Variants in ATG7 observed in about 807,000 individuals in gnomAD.
ATG7 encodes autophagy related 7.
ATG7 carries 70 observed loss-of-function variants against 82.4 expected under a neutral mutation model. That is an observed-to-expected ratio of 0.85 (90% CI 0.70 to 1.04). The LOEUF is 1.04. Among genes scored for constraint, ATG7 ranks in the 50% least tolerant of loss-of-function variants. ATG7 has a pLI of 0.00. For missense variants in ATG7, 792 were observed against 864.3 expected, an observed-to-expected ratio of 0.92 and a Z score of 1.05; for synonymous variants, 287 against 313.0, an observed-to-expected ratio of 0.92 and a Z score of 0.88.
At chr3:11,360,141 GTTC>G (rs1481906904) in intron 15 of ATG7, among the ~76,000 whole-genome samples, 1 of 152,212 alleles carries the variant, frequency 6.6e-6, no homozygotes, top group African/African-American at 2.4e-5. Flanking sequence ...CATCTCCCAG[GTTC>G]AAGCATTTCT....
intron 7 of ATG7, 50 bp from the exon 8 acceptor site, chr3:11,313,254 C>T: frequency 8.0e-7 from 1 of 1,250,994 alleles, no homozygotes; most frequent in Non-Finnish European, 1.1e-6. Context: ...TGCATTTCAC[C>T]TTAAGTTAAT....
At chr3:11,564,497 G>A in the ATG7 span, among the ~76,000 whole-genome samples, 1 of 152,116 alleles carries the variant, frequency 6.6e-6, no homozygotes, top group Non-Finnish European at 1.5e-5. Context: ...CACCACCCCT[G>A]TACTGGGAGA....
chr3:11,527,069 GTGTATA>G (rs1380108391), intron 20 of ATG7, among the ~76,000 whole-genome samples: 2,071 of 118,170 alleles, frequency 0.018, 45 homozygotes, highest in African/African-American at 0.066. Flanking sequence ...GTGTGTGTGT[GTGTATA>G]TATATATATA....
intron 19 of ATG7, among the ~76,000 whole-genome samples, chr3:11,387,685 A>C (rs1186906549): frequency 6.6e-6 from 1 of 152,222 alleles, no homozygotes; most frequent in Non-Finnish European, 1.5e-5. Context: ...AAAAATGCAA[A>C]GCCAGCTGGG....
chr3:11,281,280 A>G (rs990851626), intron 2 of ATG7, among the ~76,000 whole-genome samples, 178 bp downstream of exon 2: 1 of 152,260 alleles, frequency 6.6e-6, no homozygotes, highest in African/African-American at 2.4e-5. Context: ...TGACAGTGGC[A>G]GAGAAGGCTA....
chr3:11,384,807 A>G (rs546847953), intron 19 of ATG7, among the ~76,000 whole-genome samples: 3 of 152,068 alleles, frequency 2.0e-5, no homozygotes, highest in Non-Finnish European at 4.4e-5. Context: ...CAAAGAATAC[A>G]AAAATTGGCC....
intron 20 of ATG7, among the ~76,000 whole-genome samples, chr3:11,466,535 G>T (rs1182659359): frequency 6.6e-6 from 1 of 152,220 alleles, no homozygotes; most frequent in African/African-American, 2.4e-5. Context: ...AAGGCAGCAT[G>T]GTGTAATGGA....
At chr3:11,345,791 G>C (rs1954450873) in intron 13 of ATG7, among the ~76,000 whole-genome samples, 1 of 151,846 alleles carries the variant, frequency 6.6e-6, no homozygotes, top group Non-Finnish European at 1.5e-5. Flanking sequence ...TCCTTCTGTG[G>C]AATTTATTTT....
At chr3:11,424,243 CA>C (rs2082176777) in intron 19 of ATG7, among the ~76,000 whole-genome samples, 1 of 152,058 alleles carries the variant, frequency 6.6e-6, no homozygotes, top group Non-Finnish European at 1.5e-5. Flanking sequence ...TAAACAAAAA[CA>C]AAAACCAACT....
At position 11,299,419 on chromosome 3, in the gene ATG7, G is replaced by A; in HGVS notation, c.215+3G>A. 1 of 1,607,850 alleles carries A rather than the reference G, an allele frequency of 6.2e-7. No individual in the cohort carries two copies. The highest frequency in any genetic ancestry group is 8.5e-7 in the Non-Finnish European group (1 of 1,174,342). On this transcript the variant is annotated splice_donor_region_variant and intron_variant, in intron 5 of 20. Transcript: ENST00000693202. ...TTGGAGTTCAGTGCTTTTGACATGT[G>A]AGTATTTATTTGTTCAAAATCTGAA...
At chr3:11,399,970 A>G (rs2079672165) in intron 19 of ATG7, among the ~76,000 whole-genome samples, 1 of 152,250 alleles carries the variant, frequency 6.6e-6, no homozygotes, top group Non-Finnish European at 1.5e-5. Context: ...ATAGAGTATA[A>G]TGTAGCCTAT....
At chr3:11,566,294 AAAC>A in the ATG7 span, among the ~76,000 whole-genome samples, 31 of 152,218 alleles carry the variant, frequency 2.0e-4, no homozygotes, top group Non-Finnish European at 5.9e-5. Flanking sequence ...CAGTTGTAAG[AAAC>A]AACACACGGC....
At chr3:11,567,183 C>T in the ATG7 span, among the ~76,000 whole-genome samples, 7 of 152,112 alleles carry the variant, frequency 4.6e-5, no homozygotes, top group African/African-American at 1.2e-4. Context: ...CGAGCCTCGG[C>T]GTCCCCATGT....
intron 20 of ATG7, among the ~76,000 whole-genome samples, chr3:11,474,772 A>G (rs897659748): frequency 5.3e-5 from 8 of 152,172 alleles, no homozygotes; most frequent in African/African-American, 1.9e-4. Context: ...GGAGCCAGAC[A>G]TGTGAGGAGC....
chr3:11,433,475 T>C (rs2083096057), intron 20 of ATG7, among the ~76,000 whole-genome samples: 1 of 152,118 alleles, frequency 6.6e-6, no homozygotes, highest in Non-Finnish European at 1.5e-5. Context: ...CAACTGTGGG[T>C]TCAACATCAT....
At chr3:11,426,118 G>T (rs947492827) in intron 19 of ATG7, among the ~76,000 whole-genome samples, 14 of 152,096 alleles carry the variant, frequency 9.2e-5, no homozygotes, top group Non-Finnish European at 1.6e-4. Flanking sequence ...ACACATTTTT[G>T]TTGGGTGTAT....
At chr3:11,374,892 C>CAAAAAA (rs55855960) in intron 18 of ATG7, among the ~76,000 whole-genome samples, 3 of 73,522 alleles carry the variant, frequency 4.1e-5, no homozygotes, top group African/African-American at 1.8e-4. Flanking sequence ...CAACAGAGCT[C>CAAAAAA]AAAAAAAAAA....
intron 18 of ATG7, among the ~76,000 whole-genome samples, chr3:11,377,034 C>T (rs4684773): frequency 0.51 from 77,787 of 152,040 alleles, 20,788 homozygotes; most frequent in East Asian, 0.68. Context: ...CCACCGCGCC[C>T]GGCCTTGTCT....
At chr3:11,457,074 C>G (rs1186394875) in intron 20 of ATG7, among the ~76,000 whole-genome samples, 1 of 152,146 alleles carries the variant, frequency 6.6e-6, no homozygotes, top group African/African-American at 2.4e-5. Flanking sequence ...GAAAATGGGG[C>G]AGGACACAGT....
Sources: allele counts gnomAD v4.1 joint callset (sites outside exome capture counted in the v4.1 genomes callset), GRCh38; gene constraint gnomAD v4.1.1; transcripts MANE v1.5; gene names NCBI Gene and HGNC (gene_info 2026-07-23, HGNC 2026-07-21).